Variants in TBC1D5 observed in about 807,000 individuals in gnomAD.
TBC1D5 encodes TBC1 domain family member 5.
A neutral mutation model predicts 100.3 loss-of-function variants in TBC1D5; 75 were observed. That is an observed-to-expected ratio of 0.75 (90% CI 0.62 to 0.91). The LOEUF (loss-of-function observed/expected upper bound fraction) is 0.91, where lower values mean the gene tolerates loss of function less well. Among genes scored for constraint, TBC1D5 ranks in the 40% least tolerant of loss-of-function variants. The pLI is 0.00. For synonymous variants in TBC1D5, 323 were observed against 325.6 expected (o/e 0.99, Z 0.09); for missense variants, 910 against 942.4 (o/e 0.97, Z 0.45).
intron 13 of TBC1D5, among the ~76,000 whole-genome samples, chr3:17,334,020 G>A (rs2151221450): frequency 6.6e-6 from 1 of 152,150 alleles, no homozygotes; most frequent in South Asian, 2.1e-4. Flanking sequence ...CATTAGTGGA[G>A]TAAATGATAA....
Position 17,626,682 on chromosome 3 carries a change from G to A in TBC1D5, c.-100-2769C>T, listed in dbSNP as rs142818559. On this transcript the variant is annotated intron_variant, in intron 1 of 21. Transcript: ENST00000253692. ...AGAGCTGCAAGTTGGAAAAAAGTAC[G>A]TTAAGCTTTAGGTGGACAAAACAAA... Among the ~76,000 whole-genome samples the A allele has an allele frequency of 1.0e-3, 159 of 152,236 alleles. 1 individual carries two copies. Among genetic ancestry groups the A allele is most frequent in the East Asian group, 3.7e-3 (19 of 5,190 alleles).
intron 13 of TBC1D5, among the ~76,000 whole-genome samples, chr3:17,368,208 T>C (rs1373621687): frequency 1.3e-5 from 2 of 152,136 alleles, no homozygotes; most frequent in African/African-American, 2.4e-5. Flanking sequence ...ATAAATGTCA[T>C]CAATTTATAT....
intron 2 of TBC1D5, among the ~76,000 whole-genome samples, chr3:17,554,238 A>G (rs550658000): frequency 4.0e-4 from 61 of 152,340 alleles, no homozygotes; most frequent in African/African-American, 1.4e-3. Flanking sequence ...AACGAAGCCC[A>G]TTACTTACCA....
At position 17,331,493 on chromosome 3, in the gene TBC1D5, A is replaced by G. The variant is rs571837948; in HGVS notation, c.996-23359T>C. On this transcript the variant is annotated intron_variant, in intron 13 of 21. Coordinates refer to ENST00000253692, the Ensembl canonical transcript of TBC1D5. ...ATACACTATACAATGACGTATTACT[A>G]AATACCCAATGACTGTTTGCATGAG... 7.9e-5 allele frequency among the ~76,000 whole-genome samples: 12 copies of G among 152,328 alleles called. No homozygotes were observed. In the South Asian group the frequency reaches 2.3e-3, roughly 29 times the overall value.
chr3:17,298,480 G>A (rs531474142), intron 14 of TBC1D5, among the ~76,000 whole-genome samples: 1 of 152,250 alleles, frequency 6.6e-6, no homozygotes, highest in South Asian at 2.1e-4. Flanking sequence ...GAAGACTTTA[G>A]GGTCAGTGAG....
At chr3:17,540,005 T>C (rs1396734773) in intron 2 of TBC1D5, among the ~76,000 whole-genome samples, 1 of 152,178 alleles carries the variant, frequency 6.6e-6, no homozygotes, top group East Asian at 1.9e-4. Context: ...CACCAAAACA[T>C]ATTATTGTTT....
intron 1 of TBC1D5, among the ~76,000 whole-genome samples, chr3:17,627,658 G>A (rs1410737578): frequency 6.6e-6 from 1 of 151,054 alleles, no homozygotes; most frequent in African/African-American, 2.4e-5. Context: ...TAAATATTCT[G>A]GGTTTTTTTT....
At chr3:17,317,749 T>C (rs1394287821) in intron 13 of TBC1D5, among the ~76,000 whole-genome samples, 2 of 152,274 alleles carry the variant, frequency 1.3e-5, no homozygotes, top group Middle Eastern at 3.4e-3. Flanking sequence ...TTATATCAAT[T>C]TTTTGATTTT....
chr3:17,419,151 C>T (rs1008540825), intron 4 of TBC1D5, among the ~76,000 whole-genome samples: 7 of 152,286 alleles, frequency 4.6e-5, no homozygotes, highest in African/African-American at 1.4e-4. Flanking sequence ...TATACACATA[C>T]GTCTGTAACA....
At chr3:17,655,105 A>G (rs1158872079) in intron 1 of TBC1D5, among the ~76,000 whole-genome samples, 3 of 151,780 alleles carry the variant, frequency 2.0e-5, no homozygotes, top group Non-Finnish European at 1.5e-5. Flanking sequence ...TCCTTTCAAA[A>G]AACCAGCTCC....
chr3:17,506,585 T>C (rs1180931219), intron 3 of TBC1D5, among the ~76,000 whole-genome samples: 1 of 152,216 alleles, frequency 6.6e-6, no homozygotes, highest in African/African-American at 2.4e-5. Context: ...ATTTACATTG[T>C]TAATGAACAT....
rs555795434 is a variant in TBC1D5, at chr3:17,357,749, A to G, written c.995+14326T>C. On this transcript the variant is annotated intron_variant, in intron 13 of 21. Transcript: ENST00000253692. ...TAAGAACTCCACATGGAAACCCTAT[A>G]AACTCAGTACTCTTGATCTGACTTT... Among the ~76,000 whole-genome samples the G allele has an allele frequency of 4.6e-5, 7 of 152,348 alleles. No homozygotes were observed. The South Asian group carries it at 1.4e-3, about 32-fold the overall frequency.
intron 2 of TBC1D5, among the ~76,000 whole-genome samples, chr3:17,515,778 G>A (rs947742134): frequency 6.6e-6 from 1 of 152,134 alleles, no homozygotes; most frequent in African/African-American, 2.4e-5. Context: ...ATCTTGTACA[G>A]ATCACCATCT....
chr3:17,379,086 T>G (rs1318244071), intron 9 of TBC1D5, among the ~76,000 whole-genome samples: 1 of 151,492 alleles, frequency 6.6e-6, no homozygotes, highest in African/African-American at 2.4e-5. Context: ...TTTCCTATTT[T>G]CTGCTCCTTT....
chr3:17,704,599 G>A (rs1379397582), intron 1 of TBC1D5, among the ~76,000 whole-genome samples: 2 of 79,576 alleles, frequency 2.5e-5, no homozygotes, highest in Admixed American at 1.4e-4. Context: ...CCGGGCGGGG[G>A]GCCGACACCC....
chr3:17,730,230 T>C (rs2076447642), intron 1 of TBC1D5, among the ~76,000 whole-genome samples: 2 of 152,096 alleles, frequency 1.3e-5, no homozygotes, highest in South Asian at 2.1e-4. Flanking sequence ...TAAGTTTGTG[T>C]AGCAAATTAA....
chr3:17,438,706 T>C (rs995354299), intron 3 of TBC1D5, among the ~76,000 whole-genome samples: 3 of 152,190 alleles, frequency 2.0e-5, no homozygotes, highest in Non-Finnish European at 4.4e-5. Context: ...ATGATTATTA[T>C]ATAATTTGTC....
intron 3 of TBC1D5, among the ~76,000 whole-genome samples, chr3:17,490,154 A>G (rs190302814): frequency 6.6e-6 from 1 of 152,294 alleles, no homozygotes; most frequent in East Asian, 1.9e-4. Context: ...TCTATTGAGA[A>G]GGGTCTGTTC....
At chr3:17,395,590 T>C (rs2093480086) in intron 8 of TBC1D5, among the ~76,000 whole-genome samples, 1 of 152,130 alleles carries the variant, frequency 6.6e-6, no homozygotes, top group Non-Finnish European at 1.5e-5. Flanking sequence ...CTCATAATCA[T>C]ATAAATCTAC....
Sources: gnomAD v4.1 joint callset for allele counts (sites outside exome capture counted in the v4.1 genomes callset) on GRCh38, gnomAD v4.1.1 for gene constraint, MANE v1.5 for transcripts, NCBI Gene and HGNC (gene_info 2026-07-23, HGNC 2026-07-21) for gene names.